The following UBXN8 variants were observed in gnomAD, a reference collection of about 807,000 sequenced individuals.
UBXN8 encodes the protein UBX domain protein 8, also known as UBX domain-containing protein 8.
In UBXN8, 27 loss-of-function variants were observed where a neutral mutation model predicts 32.1. That is an observed-to-expected ratio of 0.84 (90% CI 0.62 to 1.16). The LOEUF (loss-of-function observed/expected upper bound fraction) is 1.16. Ranked by LOEUF, UBXN8 falls within the 50% of genes most tolerant of loss-of-function variation. The pLI, the probability that UBXN8 is intolerant of heterozygous loss-of-function variation, is 0.00. For missense variants in UBXN8, 306 were observed against 311.4 expected (o/e 0.98, Z 0.13); for synonymous variants, 109 against 111.8 (o/e 0.98, Z 0.16).
chr8:30,743,388 T>C (rs1171231643), upstream of UBXN8, among the ~76,000 whole-genome samples: 3 of 149,172 alleles, frequency 2.0e-5, no homozygotes, highest in Non-Finnish European at 3.0e-5. Flanking sequence ...ACTCCTGACC[T>C]TGTGATCCGC....
intron 1 of UBXN8, among the ~76,000 whole-genome samples, chr8:30,734,558 T>A (rs1805034410): frequency 6.6e-6 from 1 of 151,902 alleles, no homozygotes; most frequent in Non-Finnish European, 1.5e-5. Context: ...AATTCAAGGT[T>A]ACAGTGAGCT....
chr8:30,738,088 G>GT (rs1805106034), intron 1 of UBXN8, among the ~76,000 whole-genome samples: 1 of 115,060 alleles, frequency 8.7e-6, no homozygotes, highest in Admixed American at 1.0e-4. Flanking sequence ...GTGAAACCCT[G>GT]TGTCTATTTA....
At chr8:30,765,521 GA>G (rs1805975580) in intron 7 of UBXN8, among the ~76,000 whole-genome samples, 6 of 116,756 alleles carry the variant, frequency 5.1e-5, no homozygotes, top group Admixed American at 4.9e-4. Flanking sequence ...TATGTTTCGG[GA>G]AAAAAAATTT....
At chr8:30,733,510 C>CATTGCAGAGGA (rs1586083093) in intron 1 of UBXN8, among the ~76,000 whole-genome samples, 1 of 152,328 alleles carries the variant, frequency 6.6e-6, no homozygotes, top group East Asian at 1.9e-4. Flanking sequence ...CAGCGAGCTT[C>CATTGCAGAGGA]CACCTTGGTG....
upstream of UBXN8, among the ~76,000 whole-genome samples, chr8:30,729,210 G>A (rs967321448): frequency 3.3e-5 from 5 of 152,208 alleles, no homozygotes; most frequent in African/African-American, 1.2e-4. Context: ...CGGATCCTGC[G>A]AGCGCTCCTG....
chr8:30,738,309 A>C (rs573109686), intron 1 of UBXN8, among the ~76,000 whole-genome samples: 69 of 151,554 alleles, frequency 4.6e-4, no homozygotes, highest in Middle Eastern at 7.0e-3. Flanking sequence ...TGAGCCTAGG[A>C]GTTTGAGACC....
chr8:30,759,964 TAAATAAATA>T (rs1255724018), intron 5 of UBXN8, among the ~76,000 whole-genome samples: 31 of 128,026 alleles, frequency 2.4e-4, no homozygotes, highest in African/African-American at 1.0e-3. Context: ...CTCAGAAAAA[TAAATAAATA>T]AAATAAAATA....
Position 30,766,527 on chromosome 8 carries a change from A to G in UBXN8, c.*133A>G, listed in dbSNP as rs1266885233. On this transcript the variant is annotated 3_prime_UTR_variant, in exon 8 of 8. Coordinates refer to ENST00000265616, the MANE Select transcript of UBXN8 (RefSeq NM_005671.4). ...CAGTAAACTTTGAACATTGATATCCATGGGAATAGGATTAGAAAAGGATTG... is the reference window on the plus strand; with the variant it reads ...CAGTAAACTTTGAACATTGATATCCGTGGGAATAGGATTAGAAAAGGATTG... 1.1e-6 allele frequency: 1 copy of G among 896,432 alleles called. No individual in the cohort carries two copies. The highest frequency in any genetic ancestry group is 1.6e-6 in the Non-Finnish European group (1 of 631,938). The allele number at this position is 896,432 out of a possible 1,614,324, so 55.5% of individuals were successfully genotyped here.
chr8:30,753,128 T>C, intron 3 of UBXN8, 23 bp downstream of exon 3: 1 of 1,480,570 alleles, frequency 6.8e-7, no homozygotes. Context: ...TTTTAGAGAC[T>C]TTATGCGTAG....
At chr8:30,744,571 A>T in intron 1 of UBXN8, 1 of 487,580 alleles carries the variant, frequency 2.1e-6, no homozygotes, top group Non-Finnish European at 3.6e-6. Flanking sequence ...GGTTGATAAG[A>T]TGAAGGTCTT....
chr8:30,738,360 A>AAAT (rs1009797543), intron 1 of UBXN8, among the ~76,000 whole-genome samples: 16 of 151,604 alleles, frequency 1.1e-4, no homozygotes, highest in African/African-American at 3.6e-4. Flanking sequence ...TCTTTTTAAA[A>AAAT]AATAATAATA....
intron 1 of UBXN8, among the ~76,000 whole-genome samples, chr8:30,736,507 C>T (rs1031950622): frequency 1.3e-5 from 2 of 152,050 alleles, no homozygotes; most frequent in Non-Finnish European, 2.9e-5. Context: ...GAGTTTCGCT[C>T]TTATCTCCCA....
chr8:30,746,390 T>C (rs1205961266), intron 1 of UBXN8, among the ~76,000 whole-genome samples: 2 of 152,144 alleles, frequency 1.3e-5, no homozygotes, highest in Non-Finnish European at 2.9e-5. Context: ...CATCATACTT[T>C]ATACCAGCAG....
chr8:30,730,968 T>C (rs12543000), upstream of UBXN8, among the ~76,000 whole-genome samples: 41,482 of 151,942 alleles, frequency 0.27, 6,827 homozygotes, highest in African/African-American at 0.47. Flanking sequence ...CCCGGCGAAA[T>C]GCCGAGCTGT....
At chr8:30,756,454 A>AT (rs1563563376) in intron 4 of UBXN8, among the ~76,000 whole-genome samples, 1 of 151,244 alleles carries the variant, frequency 6.6e-6, no homozygotes, top group Non-Finnish European at 1.5e-5. Flanking sequence ...CAATTTTTGC[A>AT]TTTTTTTAGT....
intron 1 of UBXN8, among the ~76,000 whole-genome samples, chr8:30,734,561 A>G (rs527541736): frequency 1.5e-4 from 23 of 152,038 alleles, no homozygotes; most frequent in Non-Finnish European, 8.8e-5. Context: ...TCAAGGTTAC[A>G]GTGAGCTATG....
intron 5 of UBXN8, among the ~76,000 whole-genome samples, chr8:30,758,782 C>T (rs561549291): frequency 1.3e-5 from 2 of 149,588 alleles, no homozygotes; most frequent in East Asian, 3.9e-4. Context: ...AGTTATTTAG[C>T]AAATGCAGGT....
At chr8:30,734,742 G>A (rs1462127922) in intron 1 of UBXN8, among the ~76,000 whole-genome samples, 2 of 152,070 alleles carry the variant, frequency 1.3e-5, no homozygotes, top group Non-Finnish European at 2.9e-5. Flanking sequence ...CTAGGAGTTC[G>A]AGACCAGCGT....
intron 1 of UBXN8, among the ~76,000 whole-genome samples, chr8:30,747,993 T>C (rs1265948186): frequency 7.5e-6 from 1 of 133,008 alleles, no homozygotes; most frequent in Non-Finnish European, 1.6e-5. Flanking sequence ...TTACACATCA[T>C]ACTTTATACC....
Sources: allele counts gnomAD v4.1 joint callset (sites outside exome capture counted in the v4.1 genomes callset), GRCh38; gene constraint gnomAD v4.1.1; transcripts MANE v1.5; gene names NCBI Gene and HGNC (gene_info 2026-07-23, HGNC 2026-07-21).